The following PIP4K2C variants were observed in gnomAD, a reference collection of about 807,000 sequenced individuals.
PIP4K2C encodes the protein phosphatidylinositol-5-phosphate 4-kinase type 2 gamma.
Under a neutral mutation model 45.0 loss-of-function variants are expected in PIP4K2C, and 21 were observed. That is an observed-to-expected ratio of 0.47 (90% CI 0.33 to 0.67). The LOEUF (loss-of-function observed/expected upper bound fraction) is 0.67. PIP4K2C is among the 30% of genes least tolerant of loss of function. The pLI is 0.02. For synonymous variants in PIP4K2C, 201 were observed against 204.8 expected, an observed-to-expected ratio of 0.98 and a Z score of 0.16; for missense variants, 456 against 542.8, an observed-to-expected ratio of 0.84 and a Z score of 1.59.
intron 1 of PIP4K2C, among the ~76,000 whole-genome samples, chr12:57,593,481 AC>A (rs1269262895): frequency 3.9e-5 from 6 of 152,028 alleles, no homozygotes; most frequent in African/African-American, 1.4e-4. Context: ...GTGGGGGCCT[AC>A]TGCAAACAAC....
rs140234878 is a variant in PIP4K2C at position 57,599,162 on chromosome 12, G to T, written c.611G>T (p.Arg204Leu). 2 of 1,614,140 alleles carry T rather than the reference G, an allele frequency of 1.2e-6. No individual in the cohort carries two copies. Among genetic ancestry groups the T allele is most frequent in the Non-Finnish European group, 1.7e-6 (2 of 1,180,010 alleles). ...DNEDSYMLVM[R>L]NMFSHRLPVH... Reference sequence around the variant, plus strand: ...GAAGACAGCTACATGCTTGTGATGCGCAATATGTTTAGCCACCGTCTTCCT... The same window carrying T: ...GAAGACAGCTACATGCTTGTGATGCTCAATATGTTTAGCCACCGTCTTCCT... Residue 204 changes from arginine (R) to leucine (L), a missense_variant, in exon 5 of 10, where the codon CGC (arginine) becomes CTC (leucine). Physicochemically the swap from Arg to Leu is moderately radical, Grantham distance 102. Transcript: ENST00000354947.
At position 57,603,114 on chromosome 12, in the gene PIP4K2C, G is replaced by A. The variant is rs1883517545; in HGVS notation, c.*1508G>A. On this transcript the variant is annotated 3_prime_UTR_variant, in exon 10 of 10. Transcript: ENST00000354947. ...CCCTTCATCTTCTGCTCCAAAGGTGGTAGCAAGAGGAGTACCCAGTTAGGG... is the reference window on the plus strand; with the variant it reads ...CCCTTCATCTTCTGCTCCAAAGGTGATAGCAAGAGGAGTACCCAGTTAGGG... 6.6e-6 allele frequency: 1 copy of A among 152,592 alleles called. No homozygotes were observed. Among genetic ancestry groups the A allele is most frequent in the South Asian group, 2.1e-4 (1 of 4,830 alleles). The allele number at this position is 152,592 out of a possible 1,614,324, so 9.5% of individuals were successfully genotyped here.
rs1419200149 is a variant in PIP4K2C, at chr12:57,595,843, T to C, written c.370-45T>C. 1.9e-6 allele frequency: 3 copies of C among 1,605,056 alleles called. No homozygotes were observed. In the South Asian group the frequency reaches 3.3e-5, roughly 18 times the overall value. On this transcript the variant is annotated intron_variant, in intron 3 of 9. Transcript: ENST00000354947. ...CATTTTCCTATGACTTGTTTCTGCA[T>C]ATAAAGAGGGAGGAAAAGAGCTCTG...
At chr12:57,599,277 G>A (rs1017164071) in intron 5 of PIP4K2C, 66 bp downstream of exon 5, 79 of 1,603,612 alleles carry the variant, frequency 4.9e-5, no homozygotes, top group African/African-American at 9.4e-5. Flanking sequence ...GAAGACCCTG[G>A]GAGGTCTTTG....
rs2140193457 is a variant in PIP4K2C, at chr12:57,600,844, C to T, written c.847C>T (p.Leu283Phe). The T allele has an allele frequency of 6.2e-7, 1 of 1,614,146 alleles. No individual in the cohort carries two copies. Among genetic ancestry groups the T allele is most frequent in the East Asian group, 2.2e-5 (1 of 44,880 alleles). Residue 283 changes from leucine to phenylalanine, a missense_variant, in exon 8 of 10, where the codon CTT (leucine) becomes TTT (phenylalanine). By Grantham distance (22) the Leu-to-Phe change is conservative. Around this residue, in one of 2 missense-constraint regions of PIP4K2C, gnomAD observed 421 missense variants for 473.1 expected, o/e 0.89. Transcript: ENST00000354947. ...LVQLKIMDYS[L>F]LLGIHDIIRG... ...GCAGCTGAAGATCATGGACTACAGC[C>T]TTCTGCTAGGCATCCACGACATCAT... is the stretch of plus-strand genomic sequence containing the variant.
At position 57,601,798 on chromosome 12, in the gene PIP4K2C, T is replaced by A. The variant is rs1337817283; in HGVS notation, c.*192T>A. ...CTCAGAAATACATTGTCCTTTTTCCTCTTTGCCCATTTTTCTTCCCTCTCT... is the reference window on the plus strand; with the variant it reads ...CTCAGAAATACATTGTCCTTTTTCCACTTTGCCCATTTTTCTTCCCTCTCT... On this transcript the variant is annotated 3_prime_UTR_variant, in exon 10 of 10. Coordinates refer to ENST00000354947, the MANE Select transcript of PIP4K2C (RefSeq NM_024779.5). 3.4e-6 allele frequency: 2 copies of A among 596,246 alleles called. No individual in the cohort carries two copies. The highest frequency in any genetic ancestry group is 4.1e-5 in the South Asian group (2 of 48,738). The allele number at this position is 596,246 out of a possible 1,614,324, so 36.9% of individuals were successfully genotyped here.
Position 57,600,915 on chromosome 12 carries a change from G to T in PIP4K2C, c.918G>T (p.Glu306Asp), listed in dbSNP as rs780396470. ...PEEEAPVRED[E>D]SEVDGDCSLT... ...AGGAAGCGCCCGTGCGGGAGGATGA[G>T]TCAGAGGTGGATGGGGACTGCAGCC... is the stretch of plus-strand genomic sequence containing the variant. Residue 306 changes from glutamate (E) to aspartate (D), a missense_variant, in exon 8 of 10, where the codon GAG becomes GAT. Glu to Asp is a conservative substitution (Grantham distance 45, BLOSUM62 2). Coordinates refer to ENST00000354947, the MANE Select transcript of PIP4K2C (RefSeq NM_024779.5). The T allele has an allele frequency of 1.9e-6, 3 of 1,614,128 alleles. No individual in the cohort carries two copies. The highest frequency in any genetic ancestry group is 2.2e-5 in the East Asian group (1 of 44,898).
At position 57,591,243 on chromosome 12, in the gene PIP4K2C, G is replaced by C. The variant is rs565160156; in HGVS notation, c.-47G>C. The C allele has an allele frequency of 2.6e-6, 4 of 1,561,928 alleles. No homozygotes were observed. The Admixed American group carries it at 7.3e-5, about 28-fold the overall frequency. On this transcript the variant is annotated 5_prime_UTR_variant, in exon 1 of 10. Transcript: ENST00000354947. ...CGCCGCTTCCGGGGTCGGGCGCCTG[G>C]ATAGCTGCCGGCTCCGGCTTCCACT...
intron 1 of PIP4K2C, among the ~76,000 whole-genome samples, chr12:57,593,453 A>C (rs530375342): frequency 3.2e-4 from 5 of 15,438 alleles, no homozygotes; most frequent in East Asian, 0.14. Context: ...CTCTTCCTTT[A>C]CCTTACACCT....
chr12:57,600,222 A>G lies in PIP4K2C; in HGVS notation c.700-102A>G, dbSNP rs1883369496. On this transcript the variant is annotated intron_variant, in intron 6 of 9. Coordinates refer to ENST00000354947, the MANE Select transcript of PIP4K2C (RefSeq NM_024779.5). ...GGGAAGCATCACAGTGTGGAGTTAG[A>G]TGAGATCTAACTGAGCTAGCATAGA... 4.5e-6 allele frequency: 3 copies of G among 660,854 alleles called. No individual in the cohort carries two copies. In the East Asian group the frequency reaches 8.3e-5, roughly 18 times the overall value. 40.9% of individuals were successfully genotyped at this position (660,854 alleles called of 1,614,324 possible). A position where few individuals can be genotyped will look rare whatever the true frequency, so the allele number is the denominator to read the frequency against.
intron 1 of PIP4K2C, 41 bp downstream of exon 1, chr12:57,591,504 C>T (rs769727706): frequency 5.0e-5 from 76 of 1,529,678 alleles, no homozygotes; most frequent in Non-Finnish European, 6.5e-5. Context: ...TGTCCAAACC[C>T]CTCGGCTCCG....
chr12:57,599,559 C>T, intron 6 of PIP4K2C, 121 bp downstream of exon 6: 1 of 1,091,796 alleles, frequency 9.2e-7, no homozygotes. Context: ...TATTTATTAT[C>T]TTAAACCACT....
Position 57,591,564 on chromosome 12 carries a change from C to G in PIP4K2C, c.174+101C>G, listed in dbSNP as rs1351376210. Reference sequence around the variant, plus strand: ...GCCTCCGGAGCCCCACGCAGTGCCACTCCCCTCCCCCGGGTTGTCTTGGTC... The same window carrying G: ...GCCTCCGGAGCCCCACGCAGTGCCAGTCCCCTCCCCCGGGTTGTCTTGGTC... On this transcript the variant is annotated intron_variant, in intron 1 of 9. Transcript: ENST00000354947. The G allele has an allele frequency of 2.8e-5, 38 of 1,345,122 alleles. 1 individual carries two copies. In the South Asian group the frequency reaches 4.8e-4, roughly 17 times the overall value. 83.3% of individuals were successfully genotyped at this position (1,345,122 alleles called of 1,614,324 possible). A position where few individuals can be genotyped will look rare whatever the true frequency, so the allele number is the denominator to read the frequency against.
Position 57,599,904 on chromosome 12 carries a change from C to T in PIP4K2C, c.700-420C>T, listed in dbSNP as rs563542969. On this transcript the variant is annotated intron_variant, in intron 6 of 9. Coordinates refer to ENST00000354947, the MANE Select transcript of PIP4K2C (RefSeq NM_024779.5). ...ACCAAAAACACAAAAATTAGCCGGG[C>T]GTGGTGGCACGCGCCTGTAGTCCCA... 1.3e-3 allele frequency among the ~76,000 whole-genome samples: 192 copies of T among 152,020 alleles called. 1 individual carries two copies. The highest frequency in any genetic ancestry group is 4.9e-4 in the Non-Finnish European group (33 of 68,010).
Position 57,591,454 on chromosome 12 carries a change from A to T in PIP4K2C, c.165A>T (p.Val55=). The T allele has an allele frequency of 6.2e-7, 1 of 1,611,116 alleles. No homozygotes were observed. Among genetic ancestry groups the T allele is most frequent in the Non-Finnish European group, 8.5e-7 (1 of 1,178,616 alleles). ...DPLVGVFLWG[V]AHSINELSQV... ...TGGTGGGTGTGTTCCTGTGGGGCGTAGCCCACTCGGTGAGAACCAGCCCTA... is the reference window on the plus strand; with the variant it reads ...TGGTGGGTGTGTTCCTGTGGGGCGTTGCCCACTCGGTGAGAACCAGCCCTA... Residue 55 remains valine, a synonymous_variant, in exon 1 of 10, where the codon GTA becomes GTT. Coordinates refer to ENST00000354947, the MANE Select transcript of PIP4K2C (RefSeq NM_024779.5).
Position 57,602,151 on chromosome 12 carries a change from C to A in PIP4K2C, c.*545C>A, listed in dbSNP as rs557506620. The A allele has an allele frequency of 4.6e-4, 74 of 160,620 alleles. No homozygotes were observed. The highest frequency in any genetic ancestry group is 1.5e-3 in the African/African-American group (64 of 41,678). 9.9% of individuals were successfully genotyped at this position (160,620 alleles called of 1,614,324 possible). A position where few individuals can be genotyped will look rare whatever the true frequency, so the allele number is the denominator to read the frequency against. On this transcript the variant is annotated 3_prime_UTR_variant, in exon 10 of 10. Transcript: ENST00000354947. ...ATGTGGGTGCAGGCATGCACACACA[C>A]GATGGAATATGGCCATTCCTACACA... is the stretch of plus-strand genomic sequence containing the variant.
At chr12:57,595,370 A>G (rs1164481233) in intron 3 of PIP4K2C, 148 bp downstream of exon 3, 4 of 663,694 alleles carry the variant, frequency 6.0e-6, no homozygotes, top group Non-Finnish European at 2.7e-6. Context: ...AAATTTAATG[A>G]AAATTATAAA....
Position 57,595,914 on chromosome 12 carries a change from C to T in PIP4K2C, c.396C>T (p.Ser132=), listed in dbSNP as rs773282154. ...YLVSLTRNPP[S]ESEGSDGRFL... ...TGTCCCTTACCCGAAACCCCCCCAG[C>T]GAAAGTGAAGGCAGTGATGGTCGCT... is the stretch of plus-strand genomic sequence containing the variant. The change falls in exon 4 of 10, where the codon AGC becomes AGT. Residue 132 remains serine, a synonymous_variant. Coordinates refer to ENST00000354947, the MANE Select transcript of PIP4K2C (RefSeq NM_024779.5). The T allele has an allele frequency of 7.4e-6, 12 of 1,613,898 alleles. No homozygotes were observed. Among genetic ancestry groups the T allele is most frequent in the African/African-American group, 2.7e-5 (2 of 74,864 alleles).
At chr12:57,598,390 G>A (rs1883280412) in intron 4 of PIP4K2C, among the ~76,000 whole-genome samples, 1 of 151,960 alleles carries the variant, frequency 6.6e-6, no homozygotes, top group Non-Finnish European at 1.5e-5. Context: ...GCGTGGTGGT[G>A]TGCGCCTGTA....
Sources: allele counts gnomAD v4.1 joint callset (sites outside exome capture counted in the v4.1 genomes callset), GRCh38; gene constraint gnomAD v4.1.1; regional missense constraint gnomAD v4.1.1; transcripts MANE v1.5; gene names NCBI Gene and HGNC (gene_info 2026-07-23, HGNC 2026-07-21).